MALRD1: variants seen among roughly 807,000 people sequenced by gnomAD.
MALRD1 encodes the protein MAM and LDL receptor class A domain containing 1.
In MALRD1, 247 loss-of-function variants were observed where a neutral mutation model predicts 242.1. The ratio of observed to expected loss-of-function variants is 1.02; its 90% confidence interval spans 0.92 to 1.13. The LOEUF is 1.13. Ranked by LOEUF, MALRD1 falls within the 50% of genes most tolerant of loss-of-function variation. The probability of loss-of-function intolerance (pLI) is 0.00; values close to 1 mark genes in which losing one functional copy is unlikely to be tolerated. For missense variants in MALRD1, 2,989 were observed against 2,533.1 expected (o/e 1.18, Z -3.86); for synonymous variants, 995 against 866.6 (o/e 1.15, Z -2.60).
At chr10:19,480,294 C>T (rs1283427459) in intron 29 of MALRD1, among the ~76,000 whole-genome samples, 1 of 152,164 alleles carries the variant, frequency 6.6e-6, no homozygotes, top group Non-Finnish European at 1.5e-5. Flanking sequence ...GTGTTTAGAT[C>T]TCAGCAAAAG....
At chr10:19,348,434 GAGAT>G (rs1403192820) in intron 25 of MALRD1, among the ~76,000 whole-genome samples, 1 of 151,324 alleles carries the variant, frequency 6.6e-6, no homozygotes, top group Non-Finnish European at 1.5e-5. Context: ...ATGAATATTA[GAGAT>G]AGTTAGAGCC....
intron 28 of MALRD1, among the ~76,000 whole-genome samples, chr10:19,439,328 T>A (rs1485354567): frequency 6.6e-6 from 1 of 152,034 alleles, no homozygotes; most frequent in Non-Finnish European, 1.5e-5. Context: ...CCCATTAGTT[T>A]AAAACCAGCC....
intron 4 of MALRD1, among the ~76,000 whole-genome samples, chr10:19,097,010 C>A (rs1836063440): frequency 6.6e-6 from 1 of 152,178 alleles, no homozygotes; most frequent in African/African-American, 2.4e-5. Flanking sequence ...ATCTACTTAG[C>A]AAAGACGGAA....
intron 29 of MALRD1, among the ~76,000 whole-genome samples, chr10:19,460,414 A>G (rs1408057453): frequency 6.6e-6 from 1 of 151,448 alleles, no homozygotes; most frequent in Non-Finnish European, 1.5e-5. Context: ...ATTCCACTTA[A>G]TGGAACGCAC....
At chr10:19,464,146 T>G (rs930928311) in intron 29 of MALRD1, among the ~76,000 whole-genome samples, 2 of 152,228 alleles carry the variant, frequency 1.3e-5, no homozygotes, top group Non-Finnish European at 2.9e-5. Context: ...GTGAAGATTT[T>G]TCTCCCATTC....
At chr10:19,424,316 C>A (rs183066332) in intron 28 of MALRD1, among the ~76,000 whole-genome samples, 2 of 152,016 alleles carry the variant, frequency 1.3e-5, no homozygotes, top group African/African-American at 2.4e-5. Context: ...CCCACCACCA[C>A]GCTTAGCTCA....
intron 36 of MALRD1, among the ~76,000 whole-genome samples, chr10:19,681,845 T>C (rs1301308780): frequency 1.4e-5 from 2 of 138,248 alleles, no homozygotes; most frequent in East Asian, 4.6e-4. Flanking sequence ...GGGGTTTTTG[T>C]GGGGGAATGT....
chr10:19,418,713 T>G (rs191983563), intron 28 of MALRD1, among the ~76,000 whole-genome samples: 73 of 152,266 alleles, frequency 4.8e-4, no homozygotes, highest in African/African-American at 1.6e-3. Context: ...AGAAGAGATA[T>G]CTCTTTATCT....
At chr10:19,285,517 C>T (rs1476473414) in intron 21 of MALRD1, among the ~76,000 whole-genome samples, 2 of 151,856 alleles carry the variant, frequency 1.3e-5, no homozygotes, top group South Asian at 4.2e-4. Flanking sequence ...GGAATCCTTT[C>T]CCCATTGCTT....
chr10:19,376,061 G>T (rs1024766480), intron 26 of MALRD1, among the ~76,000 whole-genome samples: 3 of 152,214 alleles, frequency 2.0e-5, no homozygotes, highest in African/African-American at 7.2e-5. Context: ...GATGGAGGTT[G>T]CAGTGAGCCA....
chr10:19,172,202 T>TACATATATATAC lies in MALRD1; in HGVS notation c.1831-3005_1831-3004insCATATATATACA, dbSNP rs1001013682. 4.5e-4 allele frequency among the ~76,000 whole-genome samples: 65 copies of TACATATATATAC among 145,866 alleles called. 1 individual carries two copies. In the South Asian group the frequency reaches 0.011, roughly 25 times the overall value. On this transcript the variant is annotated intron_variant, in intron 13 of 39. Coordinates refer to ENST00000454679, the MANE Select transcript of MALRD1 (RefSeq NM_001142308.3). ...ATATATATACATATATACACATATATATATGTATATGTATATGTATATATC... is the reference window on the plus strand; with the variant it reads ...ATATATATACATATATACACATATATACATATATATACATATGTATATGTATATGTATATATC...
intron 4 of MALRD1, among the ~76,000 whole-genome samples, chr10:19,095,203 T>C (rs537922800): frequency 1.3e-5 from 2 of 152,336 alleles, no homozygotes; most frequent in South Asian, 4.1e-4. Context: ...AAAGAATGGC[T>C]AAATGAACAG....
intron 28 of MALRD1, among the ~76,000 whole-genome samples, chr10:19,407,527 G>T (rs1053113476): frequency 9.2e-5 from 14 of 151,720 alleles, no homozygotes; most frequent in African/African-American, 3.4e-4. Context: ...ACTTCTAATT[G>T]CTAAAGCATA....
rs869219398 is a variant in MALRD1 at position 19,499,445 on chromosome 10, G to GAAAA, written c.5320+813_5320+816dup. ...CTCCAATCAACTGAAGGCCTGAATAGAAAAAAAAAAAAAAAAACCAGCCTA... is the reference window on the plus strand; with the variant it reads ...CTCCAATCAACTGAAGGCCTGAATAGAAAAAAAAAAAAAAAAAAAAACCAGCCTA... On this transcript the variant is annotated intron_variant, in intron 31 of 39. Coordinates refer to ENST00000454679, the MANE Select transcript of MALRD1 (RefSeq NM_001142308.3). Among the ~76,000 whole-genome samples, 99 of 116,670 alleles carry GAAAA rather than the reference G, an allele frequency of 8.5e-4. 2 individuals carry two copies. The highest frequency in any genetic ancestry group is 5.8e-3 in the South Asian group (20 of 3,442). The allele number at this position is 116,670 out of a possible 152,430, so 76.5% of individuals were successfully genotyped here.
At chr10:19,202,800 T>C (rs1432582098) in intron 14 of MALRD1, among the ~76,000 whole-genome samples, 1 of 152,224 alleles carries the variant, frequency 6.6e-6, no homozygotes, top group East Asian at 1.9e-4. Context: ...TACTTTTTTT[T>C]TCAATCTAAT....
At chr10:19,611,713 A>G (rs551691378) in intron 35 of MALRD1, among the ~76,000 whole-genome samples, 1 of 152,092 alleles carries the variant, frequency 6.6e-6, no homozygotes, top group South Asian at 2.1e-4. Flanking sequence ...CTCCTTCCCC[A>G]TTTCATTTGC....
At chr10:19,190,234 G>A (rs1205642776) in intron 14 of MALRD1, among the ~76,000 whole-genome samples, 1 of 151,756 alleles carries the variant, frequency 6.6e-6, no homozygotes, top group East Asian at 1.9e-4. Flanking sequence ...AAAGTCTTTA[G>A]GAATTAATCA....
chr10:19,496,510 G>C (rs904447241), intron 30 of MALRD1, among the ~76,000 whole-genome samples: 1 of 152,092 alleles, frequency 6.6e-6, no homozygotes, highest in Non-Finnish European at 1.5e-5. Context: ...TGAAACTAAT[G>C]AGAACAGGCA....
intron 1 of MALRD1, among the ~76,000 whole-genome samples, chr10:19,062,515 C>T (rs1358336314): frequency 1.3e-5 from 2 of 152,120 alleles, no homozygotes; most frequent in African/African-American, 2.4e-5. Context: ...TAGCCCAAAG[C>T]TAAAAACCAC....
Sources: allele counts gnomAD v4.1 joint callset (sites outside exome capture counted in the v4.1 genomes callset), GRCh38; gene constraint gnomAD v4.1.1; transcripts MANE v1.5; gene names NCBI Gene and HGNC (gene_info 2026-07-23, HGNC 2026-07-21).